Variants in RSU1 observed in about 807,000 individuals in gnomAD.
The protein encoded by RSU1 is Ras suppressor protein 1, also known as rsu-1.
Under a neutral mutation model 31.1 loss-of-function variants are expected in RSU1, and 26 were observed. That is an observed-to-expected ratio of 0.84 (90% CI 0.61 to 1.16). The LOEUF (loss-of-function observed/expected upper bound fraction) is 1.16. Ranked by LOEUF, RSU1 falls within the 50% of genes most tolerant of loss-of-function variation. The pLI is 0.00. For missense variants in RSU1, 320 were observed against 339.1 expected (o/e 0.94, Z 0.44); for synonymous variants, 164 against 136.3 (o/e 1.20, Z -1.41).
At chr10:16,812,361 G>A (rs1838427308) in intron 2 of RSU1, among the ~76,000 whole-genome samples, 2 of 152,208 alleles carry the variant, frequency 1.3e-5, no homozygotes, top group South Asian at 4.1e-4. Flanking sequence ...AGAATCGCTT[G>A]AACCCAAGAG....
intron 4 of RSU1, among the ~76,000 whole-genome samples, chr10:16,763,574 C>G (rs1477877684): frequency 1.3e-5 from 2 of 152,184 alleles, no homozygotes; most frequent in Non-Finnish European, 2.9e-5. Context: ...ACCTCCAACA[C>G]TGGGGATTAC....
In RSU1 at chr10:16,720,998, T is replaced by C. The variant is rs145379102; in HGVS notation, c.599-25843A>G. The stretch of plus-strand genomic sequence containing the variant: ...CAAGACCCTATCTCACATAAATAAA[T>C]AAATAAACAAACAAATAAATAAATA... On this transcript the variant is annotated intron_variant, in intron 7 of 8. Coordinates refer to ENST00000345264, the MANE Select transcript of RSU1 (RefSeq NM_012425.4). 2.0e-5 allele frequency among the ~76,000 whole-genome samples: 3 copies of C among 152,140 alleles called. No homozygotes were observed. In the East Asian group the frequency reaches 5.8e-4, roughly 29 times the overall value.
At position 16,606,703 on chromosome 10, in the gene RSU1, T is replaced by C. The variant is rs561535939; in HGVS notation, c.732-13207A>G. Reference sequence around the variant, plus strand: ...TGAAGGAAACCATGTGGAGCACACATTGTCCTGTGGCTCTAGAGGTAGTGA... The same window carrying C: ...TGAAGGAAACCATGTGGAGCACACACTGTCCTGTGGCTCTAGAGGTAGTGA... On this transcript the variant is annotated intron_variant, in intron 8 of 8. Transcript: ENST00000345264. Among the ~76,000 whole-genome samples, 23 of 152,338 alleles carry C rather than the reference T, an allele frequency of 1.5e-4. No homozygotes were observed. The South Asian group carries it at 4.8e-3, about 32-fold the overall frequency.
chr10:16,634,262 G>C (rs780053446), intron 8 of RSU1, among the ~76,000 whole-genome samples: 3 of 152,190 alleles, frequency 2.0e-5, no homozygotes, highest in Non-Finnish European at 4.4e-5. Context: ...CTTCTCTCCT[G>C]GCTAGAGAGA....
chr10:16,618,177 C>T (rs1834011019), intron 8 of RSU1, among the ~76,000 whole-genome samples: 1 of 152,142 alleles, frequency 6.6e-6, no homozygotes, highest in Non-Finnish European at 1.5e-5. Flanking sequence ...AGGATATGAA[C>T]AGACACTTCT....
chr10:16,711,708 T>A (rs1438328241), intron 7 of RSU1, among the ~76,000 whole-genome samples: 1 of 152,288 alleles, frequency 6.6e-6, no homozygotes, highest in East Asian at 1.9e-4. Flanking sequence ...AAGTTGCTCA[T>A]GTTGTTGTTT....
chr10:16,743,352 G>A (rs962453240), intron 7 of RSU1, among the ~76,000 whole-genome samples: 2 of 152,106 alleles, frequency 1.3e-5, no homozygotes, highest in Non-Finnish European at 2.9e-5. Flanking sequence ...TGTCAATAAC[G>A]TGGCCTTAGG....
chr10:16,614,283 T>A (rs1564286484), intron 8 of RSU1, among the ~76,000 whole-genome samples: 3 of 150,780 alleles, frequency 2.0e-5, no homozygotes, highest in South Asian at 4.1e-4. Context: ...GTCCATGTTC[T>A]TACTAACTTG....
At chr10:16,801,019 T>G (rs549800003) in intron 2 of RSU1, among the ~76,000 whole-genome samples, 12 of 150,954 alleles carry the variant, frequency 7.9e-5, no homozygotes, top group Non-Finnish European at 1.6e-4. Context: ...GGTATTAATC[T>G]AAGTAATATC....
intron 8 of RSU1, among the ~76,000 whole-genome samples, chr10:16,636,436 A>G (rs750752481): frequency 3.2e-4 from 48 of 152,276 alleles, no homozygotes; most frequent in Non-Finnish European, 5.6e-4. Flanking sequence ...ATAAATACCT[A>G]GCATTTTACG....
intron 2 of RSU1, among the ~76,000 whole-genome samples, chr10:16,787,890 A>C (rs536662365): frequency 2.6e-5 from 4 of 152,350 alleles, no homozygotes; most frequent in African/African-American, 9.6e-5. Flanking sequence ...GAATTGTTAC[A>C]GAATGGCACA....
rs183202495 is a variant in RSU1, at chr10:16,782,752, G to C, written c.110-668C>G. Among the ~76,000 whole-genome samples, 27 of 152,108 alleles carry C rather than the reference G, an allele frequency of 1.8e-4. No homozygotes were observed. The East Asian group carries it at 5.0e-3, about 28-fold the overall frequency. On this transcript the variant is annotated intron_variant, in intron 2 of 8. Transcript: ENST00000345264. ...GTAAGATTAGGTTTGCTTAAAGAAT[G>C]GTTTTTCTAACTATAAATAAAGAAA...
At chr10:16,744,156 A>T (rs1457121367) in intron 7 of RSU1, among the ~76,000 whole-genome samples, 1 of 152,004 alleles carries the variant, frequency 6.6e-6, no homozygotes, top group Admixed American at 6.6e-5. Context: ...GAAAGAAAGA[A>T]AAGATTTCAT....
At chr10:16,623,848 A>C (rs569262949) in intron 8 of RSU1, among the ~76,000 whole-genome samples, 193 of 152,290 alleles carry the variant, frequency 1.3e-3, no homozygotes, top group Non-Finnish European at 1.8e-3. Context: ...TCCAGTTACA[A>C]GAGATTCAAG....
chr10:16,674,994 C>A (rs1226997803), intron 8 of RSU1, among the ~76,000 whole-genome samples: 1 of 152,004 alleles, frequency 6.6e-6, no homozygotes, highest in Non-Finnish European at 1.5e-5. Context: ...GACTGTGCCA[C>A]TACACTCCAG....
At chr10:16,674,947 C>A (rs1835199087) in intron 8 of RSU1, among the ~76,000 whole-genome samples, 1 of 152,120 alleles carries the variant, frequency 6.6e-6, no homozygotes, top group Non-Finnish European at 1.5e-5. Context: ...GCAGGAGCAT[C>A]TTTTGAACCT....
chr10:16,781,307 A>C (rs1274936586), intron 3 of RSU1, among the ~76,000 whole-genome samples: 1 of 152,198 alleles, frequency 6.6e-6, no homozygotes, highest in Non-Finnish European at 1.5e-5. Context: ...ATAGGCATTC[A>C]TCTATGCTAA....
At chr10:16,702,437 AG>A (rs918467797) in intron 7 of RSU1, among the ~76,000 whole-genome samples, 1 of 152,246 alleles carries the variant, frequency 6.6e-6, no homozygotes, top group Non-Finnish European at 1.5e-5. Context: ...GAGCAGTCAC[AG>A]GAGCTAAACA....
intron 8 of RSU1, among the ~76,000 whole-genome samples, chr10:16,624,383 C>CG (rs1179190486): frequency 6.6e-6 from 1 of 152,122 alleles, no homozygotes; most frequent in East Asian, 1.9e-4. Flanking sequence ...GCCCATCACT[C>CG]CTCACCTTTT....
Sources: gnomAD v4.1 joint callset for allele counts (sites outside exome capture counted in the v4.1 genomes callset) on GRCh38, gnomAD v4.1.1 for gene constraint, MANE v1.5 for transcripts, NCBI Gene and HGNC (gene_info 2026-07-23, HGNC 2026-07-21) for gene names.